TLL2: variants seen among roughly 807,000 people sequenced by gnomAD.
TLL2 encodes the protein tolloid like 2.
In TLL2, 106 loss-of-function variants were observed where a neutral mutation model predicts 123.0. That is an observed-to-expected ratio of 0.86 (90% CI 0.74 to 1.01). The LOEUF is 1.01. Among genes scored for constraint, TLL2 ranks in the 50% least tolerant of loss-of-function variants. The probability of loss-of-function intolerance (pLI) is 0.00; values close to 1 mark genes in which losing one functional copy is unlikely to be tolerated. For missense variants in TLL2, 1,332 were observed against 1,336.7 expected, an observed-to-expected ratio of 1.00 and a Z score of 0.06; for synonymous variants, 494 against 516.8, an observed-to-expected ratio of 0.96 and a Z score of 0.60.
In TLL2 at chr10:96,386,172, G is replaced by A. The variant is rs923809709; in HGVS notation, c.1896C>T (p.Thr632=). 1.7e-5 allele frequency: 27 copies of A among 1,610,430 alleles called. No homozygotes were observed. Among genetic ancestry groups the A allele is most frequent in the Non-Finnish European group, 2.2e-5 (26 of 1,178,188 alleles). ...GFITKLNGTI[T]SPGWPKEYPT... ...GATACTCCTTCGGCCACCCAGGGCT[G>A]GTGATGGTTCCATTCAGCTTGGTAA... Residue 632 remains threonine, a synonymous_variant, in exon 15 of 21, where the codon ACC becomes ACT. Transcript: ENST00000357947.
chr10:96,447,929 G>A lies in TLL2; in HGVS notation c.287-1761C>T, dbSNP rs115810813. Among the ~76,000 whole-genome samples the A allele has an allele frequency of 6.2e-3, 937 of 152,126 alleles. 14 individuals carry two copies. Among genetic ancestry groups the A allele is most frequent in the African/African-American group, 0.021 (886 of 41,492 alleles). On this transcript the variant is annotated intron_variant, in intron 2 of 20. Transcript: ENST00000357947. ...GGTCAGACACCCGGTGGTCTTCCCT[G>A]GCCCCACAGATAAAGGCTTCCCACG...
rs769014023 is a variant in TLL2, at chr10:96,410,621, T to C, written c.1049-147A>G. On this transcript the variant is annotated intron_variant, in intron 8 of 20. Transcript: ENST00000357947. ...GTGAGAAGTGTAGCAAGCAGATTGA[T>C]GTTTTCTGGCTAACAAAAGCACAAG... 42 of 716,834 alleles carry C rather than the reference T, an allele frequency of 5.9e-5. No homozygotes were observed. In the South Asian group the frequency reaches 6.0e-4, roughly 10 times the overall value. The allele number at this position is 716,834 out of a possible 1,614,324, so 44.4% of individuals were successfully genotyped here.
intron 11 of TLL2, among the ~76,000 whole-genome samples, chr10:96,396,555 G>C (rs1483866260): frequency 6.8e-6 from 1 of 147,318 alleles, no homozygotes; most frequent in Admixed American, 6.7e-5. Context: ...AGGACCCTTG[G>C]TAATTTTCTG....
chr10:96,378,875 G>A (rs1261669515), intron 17 of TLL2, 92 bp downstream of exon 17: 14 of 1,525,056 alleles, frequency 9.2e-6, no homozygotes, highest in African/African-American at 2.7e-5. Flanking sequence ...AGAGGTCCTC[G>A]CCGCACCTCC....
intron 16 of TLL2, among the ~76,000 whole-genome samples, chr10:96,381,280 G>C (rs762538600): frequency 3.3e-5 from 5 of 152,160 alleles, no homozygotes; most frequent in Non-Finnish European, 7.4e-5. Context: ...GACAAGTTTA[G>C]GCTTCCCCTG....
chr10:96,385,964 C>T, intron 15 of TLL2, 91 bp downstream of exon 15: 4 of 1,337,586 alleles, frequency 3.0e-6, no homozygotes, highest in Non-Finnish European at 3.0e-6. Flanking sequence ...TCAACACAAG[C>T]CATCTCCCTG....
intron 1 of TLL2, among the ~76,000 whole-genome samples, chr10:96,480,892 T>C (rs1421944809): frequency 1.3e-5 from 2 of 152,174 alleles, no homozygotes; most frequent in African/African-American, 2.4e-5. Flanking sequence ...CACTGCCCCA[T>C]TGGTGTCAGG....
chr10:96,474,307 C>T (rs1847215645), intron 2 of TLL2, among the ~76,000 whole-genome samples: 1 of 152,186 alleles, frequency 6.6e-6, no homozygotes, highest in African/African-American at 2.4e-5. Flanking sequence ...TAGCAGTTCT[C>T]TCCATCCCAA....
rs552574193 is a variant in TLL2, at chr10:96,406,213, C to T, written c.1165-879G>A. ...CTGGTCCCCCTGCAGCCCACCAGCT[C>T]GGGGCTCCCCTGGCAGATGGCCCAG... On this transcript the variant is annotated intron_variant, in intron 9 of 20. Coordinates refer to ENST00000357947, the MANE Select transcript of TLL2 (RefSeq NM_012465.4). Among the ~76,000 whole-genome samples, 16 of 152,168 alleles carry T rather than the reference C, an allele frequency of 1.1e-4. No homozygotes were observed. In the South Asian group the frequency reaches 2.7e-3, roughly 26 times the overall value.
intron 2 of TLL2, among the ~76,000 whole-genome samples, chr10:96,480,105 G>C (rs572264265): frequency 1.3e-5 from 2 of 152,160 alleles, no homozygotes; most frequent in Non-Finnish European, 2.9e-5. Context: ...AACAAATGCC[G>C]AGCTCCAGCC....
chr10:96,390,735 A>AT (rs2134060411), intron 13 of TLL2, among the ~76,000 whole-genome samples: 1 of 152,312 alleles, frequency 6.6e-6, no homozygotes, highest in South Asian at 2.1e-4. Context: ...CTTGTTGGGA[A>AT]AAGGCTGGGC....
intron 2 of TLL2, among the ~76,000 whole-genome samples, chr10:96,468,614 G>A (rs2134097828): frequency 6.6e-6 from 1 of 152,322 alleles, no homozygotes; most frequent in Middle Eastern, 3.4e-3. Context: ...TAGAACGTCA[G>A]GTACTAAACT....
At chr10:96,461,282 T>C (rs979938463) in intron 2 of TLL2, among the ~76,000 whole-genome samples, 1 of 152,128 alleles carries the variant, frequency 6.6e-6, no homozygotes. Flanking sequence ...ACATAAGAAT[T>C]CACATACCTC....
chr10:96,439,282 G>A lies in TLL2; in HGVS notation c.365-6320C>T, dbSNP rs150753159. On this transcript the variant is annotated intron_variant, in intron 3 of 20. Coordinates refer to ENST00000357947, the MANE Select transcript of TLL2 (RefSeq NM_012465.4). ...TGCCTAGCTGATTTTTGTGTTTTTA[G>A]TAGAGATAGGGTTTCACTATGTTGG... Among the ~76,000 whole-genome samples the A allele has an allele frequency of 6.7e-3, 999 of 149,862 alleles. 18 individuals carry two copies. The highest frequency in any genetic ancestry group is 0.058 in the South Asian group (260 of 4,518).
At position 96,367,997 on chromosome 10, in the gene TLL2, G is replaced by A; in HGVS notation, c.*91C>T. 2 of 1,504,384 alleles carry A rather than the reference G, an allele frequency of 1.3e-6. No homozygotes were observed. The highest frequency in any genetic ancestry group is 1.2e-5 in the South Asian group (1 of 80,008). 93.2% of individuals were successfully genotyped at this position (1,504,384 alleles called of 1,614,324 possible). Reference sequence around the variant, plus strand: ...TTGTTTGAGAAAAATACTGTACACTGTTTTAGGGCAGATTTTCAAGGTGCT... The same window carrying A: ...TTGTTTGAGAAAAATACTGTACACTATTTTAGGGCAGATTTTCAAGGTGCT... On this transcript the variant is annotated 3_prime_UTR_variant, in exon 21 of 21. Coordinates refer to ENST00000357947, the MANE Select transcript of TLL2 (RefSeq NM_012465.4).
In TLL2 at chr10:96,486,341, G is replaced by T. The variant is rs117984487; in HGVS notation, c.176-5882C>A. Among the ~76,000 whole-genome samples the T allele has an allele frequency of 1.8e-4, 27 of 152,210 alleles. 1 individual carries two copies. The East Asian group carries it at 4.8e-3, about 27-fold the overall frequency. On this transcript the variant is annotated intron_variant, in intron 1 of 20. Transcript: ENST00000357947. ...TCCATATAGTTTGAAAAATTTAGAG[G>T]TCCAGGGAGCATTCTAGTTATACTT...
At position 96,405,230 on chromosome 10, in the gene TLL2, A is replaced by G; in HGVS notation, c.1267+2T>C. 2.5e-6 allele frequency: 4 copies of G among 1,613,962 alleles called. No homozygotes were observed. Among genetic ancestry groups the G allele is most frequent in the Non-Finnish European group, 3.4e-6 (4 of 1,179,898 alleles). On this transcript the variant is annotated splice_donor_variant, in intron 10 of 20. Transcript: ENST00000357947. LOFTEE classifies it high-confidence loss of function. Reference sequence around the variant, plus strand: ...TCTTAACGGTGTCTAAAGTCAACTTACCCAAAAGGGGGGCTTTTCTCCAGT... The same window carrying G: ...TCTTAACGGTGTCTAAAGTCAACTTGCCCAAAAGGGGGGCTTTTCTCCAGT...
chr10:96,512,675 CCT>C (rs1225790909), intron 1 of TLL2, among the ~76,000 whole-genome samples: 1 of 152,236 alleles, frequency 6.6e-6, no homozygotes, highest in East Asian at 1.9e-4. Flanking sequence ...CGTGAGCACC[CCT>C]CTGTCCGTGC....
intron 3 of TLL2, among the ~76,000 whole-genome samples, chr10:96,445,081 C>T (rs1354234618): frequency 2.6e-5 from 4 of 152,044 alleles, no homozygotes; most frequent in Admixed American, 6.5e-5. Context: ...CCCAGCTACT[C>T]GGGAGGCTGA....
Sources: allele counts gnomAD v4.1 joint callset (sites outside exome capture counted in the v4.1 genomes callset), GRCh38; gene constraint gnomAD v4.1.1; transcripts MANE v1.5; gene names NCBI Gene and HGNC (gene_info 2026-07-23, HGNC 2026-07-21).